The following TACC2 variants were observed in gnomAD, a reference collection of about 807,000 sequenced individuals.
The protein encoded by TACC2 is transforming acidic coiled-coil-containing protein 2.
Under a neutral mutation model 227.3 loss-of-function variants are expected in TACC2, and 137 were observed. That is an observed-to-expected ratio of 0.60 (90% CI 0.52 to 0.69). The LOEUF (loss-of-function observed/expected upper bound fraction) is 0.69, where lower values mean the gene tolerates loss of function less well. Among genes scored for constraint, TACC2 ranks in the 30% least tolerant of loss-of-function variants. The pLI is 0.00. For synonymous variants in TACC2, 1,523 were observed against 1,487.5 expected (o/e 1.02, Z -0.55); for missense variants, 3,470 against 3,694.4 (o/e 0.94, Z 1.57).
intron 13 of TACC2, among the ~76,000 whole-genome samples, chr10:122,227,097 G>A (rs191743236): frequency 3.9e-5 from 6 of 152,270 alleles, no homozygotes; most frequent in Admixed American, 1.3e-4. Flanking sequence ...GAGCGTCCCC[G>A]AGCTGTGTGA....
At chr10:122,061,727 A>G (rs1343038447) in intron 3 of TACC2, among the ~76,000 whole-genome samples, 1 of 152,158 alleles carries the variant, frequency 6.6e-6, no homozygotes, top group African/African-American at 2.4e-5. Context: ...GATGAGCAAG[A>G]TGTCCAGTCC....
intron 18 of TACC2, among the ~76,000 whole-genome samples, chr10:122,238,426 T>G (rs1250954042): frequency 6.6e-6 from 1 of 152,112 alleles, no homozygotes; most frequent in East Asian, 1.9e-4. Flanking sequence ...GCAGTATACA[T>G]CATTCTACAC....
intron 8 of TACC2, among the ~76,000 whole-genome samples, chr10:122,203,315 C>T (rs1479444058): frequency 6.0e-5 from 8 of 133,986 alleles, no homozygotes; most frequent in South Asian, 2.2e-4. Context: ...TAGGGGCGGC[C>T]GGGCAGAGGC....
chr10:122,089,607 C>T (rs1382652760), intron 5 of TACC2, among the ~76,000 whole-genome samples: 1 of 152,244 alleles, frequency 6.6e-6, no homozygotes, highest in Non-Finnish European at 1.5e-5. Flanking sequence ...CTTTCCGCCT[C>T]CCTAGGCCTT....
chr10:122,056,751 T>G (rs2076248477), intron 3 of TACC2, among the ~76,000 whole-genome samples: 1 of 152,032 alleles, frequency 6.6e-6, no homozygotes, highest in Admixed American at 6.6e-5. Flanking sequence ...AGGAAGTGAG[T>G]GCAGACCCAG....
At chr10:122,058,440 C>G (rs2076427898) in intron 3 of TACC2, among the ~76,000 whole-genome samples, 1 of 152,166 alleles carries the variant, frequency 6.6e-6, no homozygotes, top group Admixed American at 6.5e-5. Context: ...GACGGAGTCT[C>G]ACTCTGTCGC....
At chr10:122,229,650 C>T (rs2095696511) in intron 15 of TACC2, among the ~76,000 whole-genome samples, 164 bp downstream of exon 15, 2 of 152,080 alleles carry the variant, frequency 1.3e-5, no homozygotes, top group African/African-American at 4.8e-5. Context: ...CGTTCTTTCC[C>T]CACGATACCA....
At chr10:122,220,675 G>T (rs1475622843) in intron 11 of TACC2, among the ~76,000 whole-genome samples, 1 of 152,230 alleles carries the variant, frequency 6.6e-6, no homozygotes, top group African/African-American at 2.4e-5. Flanking sequence ...AAAAGGAAAT[G>T]TTGGGTGAGA....
chr10:122,149,568 A>T (rs1205408159), intron 7 of TACC2, among the ~76,000 whole-genome samples: 1 of 143,296 alleles, frequency 7.0e-6, no homozygotes, highest in East Asian at 2.2e-4. Flanking sequence ...CCAAGACTCC[A>T]GAGTTTTTCC....
chr10:122,040,503 A>T (rs1017257754), intron 2 of TACC2, among the ~76,000 whole-genome samples: 1 of 152,184 alleles, frequency 6.6e-6, no homozygotes, highest in African/African-American at 2.4e-5. Context: ...TACAGGGGAC[A>T]TCTGAGCTCC....
chr10:122,148,818 C>T (rs986712767), intron 7 of TACC2, among the ~76,000 whole-genome samples: 1 of 152,244 alleles, frequency 6.6e-6, no homozygotes, highest in Non-Finnish European at 1.5e-5. Context: ...AATCATTAGG[C>T]CGTAGGCCTT....
intron 3 of TACC2, among the ~76,000 whole-genome samples, chr10:122,070,831 G>A (rs1209656169): frequency 2.0e-5 from 3 of 151,754 alleles, no homozygotes; most frequent in Non-Finnish European, 4.4e-5. Context: ...AGGCTGAGGT[G>A]GGAGAATCAC....
chr10:122,074,549 A>G (rs1351868535), intron 3 of TACC2, among the ~76,000 whole-genome samples: 1 of 152,130 alleles, frequency 6.6e-6, no homozygotes, highest in Non-Finnish European at 1.5e-5. Context: ...CAGTCACTGA[A>G]GTTCTTGAGG....
At chr10:122,081,974 T>A (rs930993533) in intron 3 of TACC2, among the ~76,000 whole-genome samples, 5 of 152,194 alleles carry the variant, frequency 3.3e-5, no homozygotes, top group Non-Finnish European at 7.3e-5. Context: ...CTGCCTGTAA[T>A]CTTCACAGGA....
chr10:122,172,459 C>T (rs12782367), intron 7 of TACC2, among the ~76,000 whole-genome samples: 184 of 152,292 alleles, frequency 1.2e-3, no homozygotes, highest in African/African-American at 4.0e-3. Context: ...CAGCCTCTCA[C>T]GGTGACTCCT....
chr10:122,102,119 T>C (rs1013669404), intron 5 of TACC2, among the ~76,000 whole-genome samples: 1 of 152,116 alleles, frequency 6.6e-6, no homozygotes, highest in Non-Finnish European at 1.5e-5. Flanking sequence ...GGGCAGTTTA[T>C]GGGCCACCCT....
intron 3 of TACC2, among the ~76,000 whole-genome samples, chr10:122,065,295 G>GT (rs2077263385): frequency 6.6e-6 from 1 of 152,128 alleles, no homozygotes; most frequent in Non-Finnish European, 1.5e-5. Flanking sequence ...TCTGAGACCT[G>GT]TTTTAACTGC....
chr10:122,143,480 GC>G (rs751353011), intron 6 of TACC2, 91 bp from the exon 7 acceptor site: 162,048 of 1,427,380 alleles, frequency 0.11, 10,893 homozygotes, highest in Admixed American at 0.25. Flanking sequence ...CCATGTGTGG[GC>G]GGGTGGGTTG....
chr10:122,031,567 G>C (rs1958973866), intron 2 of TACC2, among the ~76,000 whole-genome samples: 2 of 151,674 alleles, frequency 1.3e-5, no homozygotes, highest in Admixed American at 1.3e-4. Flanking sequence ...ACTGCGCCCG[G>C]CTAATTTTTG....
Sources: gnomAD v4.1 joint callset for allele counts (sites outside exome capture counted in the v4.1 genomes callset) on GRCh38, gnomAD v4.1.1 for gene constraint, MANE v1.5 for transcripts, NCBI Gene and HGNC (gene_info 2026-07-23, HGNC 2026-07-21) for gene names.